TSPAN19: variants seen among roughly 807,000 people sequenced by gnomAD.
TSPAN19 encodes tetraspanin 19.
Under a neutral mutation model 35.1 loss-of-function variants are expected in TSPAN19, and 44 were observed. The ratio of observed to expected loss-of-function variants is 1.25; its 90% CI spans 0.98 to 1.61. The LOEUF (loss-of-function observed/expected upper bound fraction) is 1.61. Ranked by LOEUF, TSPAN19 falls within the 40% of genes most tolerant of loss-of-function variation. The pLI is 0.00. For missense variants in TSPAN19, 290 were observed against 280.0 expected, an observed-to-expected ratio of 1.04 and a Z score of -0.26; for synonymous variants, 79 against 92.0, an observed-to-expected ratio of 0.86 and a Z score of 0.81.
intron 1 of TSPAN19, among the ~76,000 whole-genome samples, chr12:85,032,720 A>G (rs774064478): frequency 1.3e-5 from 2 of 152,126 alleles, no homozygotes; most frequent in Non-Finnish European, 2.9e-5. Flanking sequence ...ACGTGCCAAC[A>G]CAAAGATACA....
chr12:85,030,663 A>G (rs1877642441), intron 1 of TSPAN19, among the ~76,000 whole-genome samples: 1 of 152,136 alleles, frequency 6.6e-6, no homozygotes, highest in Admixed American at 6.6e-5. Context: ...GAATTAAATT[A>G]CTTAATCTAT....
chr12:85,026,744 T>C (rs1348307307), intron 4 of TSPAN19, among the ~76,000 whole-genome samples: 2 of 152,042 alleles, frequency 1.3e-5, no homozygotes, highest in African/African-American at 2.4e-5. Flanking sequence ...TTCACTGATA[T>C]GCCTGTATGG....
In TSPAN19 at chr12:85,016,136, C is replaced by T. The variant is rs552645668; in HGVS notation, c.595-165G>A. 64 of 483,036 alleles carry T rather than the reference C, an allele frequency of 1.3e-4. 2 individuals are homozygous for T. The South Asian group carries it at 1.9e-3, about 14-fold the overall frequency. 29.9% of individuals were successfully genotyped at this position (483,036 alleles called of 1,614,324 possible). On this transcript the variant is annotated intron_variant, in intron 7 of 8. Transcript: ENST00000532498. Reference sequence around the variant, plus strand: ...GACTTTTAGTCCAGAAAGCTTTCTACGGCAGCAGGACACCTCAGTTGCTAA... The same window carrying T: ...GACTTTTAGTCCAGAAAGCTTTCTATGGCAGCAGGACACCTCAGTTGCTAA...
Position 85,024,312 on chromosome 12 carries a change from C to CA in TSPAN19, c.265-913dup, listed in dbSNP as rs1353373132. Among the ~76,000 whole-genome samples the CA allele has an allele frequency of 1.3e-4, 20 of 152,314 alleles. 2 individuals are homozygous for CA. Among genetic ancestry groups the CA allele is most frequent in the African/African-American group, 4.8e-4 (20 of 41,578 alleles). On this transcript the variant is annotated intron_variant, in intron 4 of 8. Coordinates refer to ENST00000532498, the MANE Select transcript of TSPAN19 (RefSeq NM_001100917.2). ...TATAAAAGCAGGAGATGACTGAAGA[C>CA]AGTCTCTAGCTGGGAGTTTTCAGAA...
At chr12:85,015,542 A>G (rs1876743513) in intron 8 of TSPAN19, 1 of 76,206 alleles carries the variant, frequency 1.3e-5, no homozygotes, top group Non-Finnish European at 2.3e-5. Context: ...ATGAACATAT[A>G]CACACACACA....
chr12:85,025,778 G>A (rs1370975202), intron 4 of TSPAN19, among the ~76,000 whole-genome samples: 1 of 145,094 alleles, frequency 6.9e-6, no homozygotes, highest in African/African-American at 2.6e-5. Context: ...GCCTGCCTTG[G>A]CCTCCCAAAG....
intron 4 of TSPAN19, chr12:85,024,572 G>A (rs1801183766): frequency 6.6e-6 from 1 of 152,216 alleles, no homozygotes; most frequent in Admixed American, 6.6e-5. Context: ...TAGATCAGGA[G>A]TTCAAGACCA....
intron 6 of TSPAN19, among the ~76,000 whole-genome samples, chr12:85,018,925 A>AT (rs974923779): frequency 7.2e-5 from 11 of 151,920 alleles, no homozygotes; most frequent in Admixed American, 2.0e-4. Context: ...AATGTTTGGT[A>AT]TTTTTTTAAT....
rs1477779013 is a variant in TSPAN19, at chr12:85,014,486, G to C, written c.*1C>G. On this transcript the variant is annotated 3_prime_UTR_variant, in exon 9 of 9. Transcript: ENST00000532498. ...CTTCTGAACAAATTGAAATCCAAAG[G>C]TCACATTTCTGCATGGATTATATTC... 1 of 1,590,618 alleles carries C rather than the reference G, an allele frequency of 6.3e-7. No homozygotes were observed. The highest frequency in any genetic ancestry group is 1.7e-5 in the Admixed American group (1 of 57,476).
rs540983488 is a variant in TSPAN19, at chr12:85,027,860, C to T, written c.264+39G>A. On this transcript the variant is annotated intron_variant, in intron 4 of 8. Transcript: ENST00000532498. ...TTGTGTAACTTAGATACTTAAAAATCTAAGACAAAAATTCAAACTATTGAC... is the reference window on the plus strand; with the variant it reads ...TTGTGTAACTTAGATACTTAAAAATTTAAGACAAAAATTCAAACTATTGAC... 4 of 1,531,180 alleles carry T rather than the reference C, an allele frequency of 2.6e-6. No individual in the cohort carries two copies. The East Asian group carries it at 9.8e-5, about 38-fold the overall frequency. The allele number at this position is 1,531,180 out of a possible 1,614,324, so 94.8% of individuals were successfully genotyped here. A position where few individuals can be genotyped will look rare whatever the true frequency, so the allele number is the denominator to read the frequency against.
intron 8 of TSPAN19, 147 bp downstream of exon 8, chr12:85,015,741 T>G (rs1243071353): frequency 1.8e-6 from 1 of 552,640 alleles, no homozygotes. Flanking sequence ...AGGAATCACC[T>G]GTACAACTCT....
At chr12:85,028,937 ATAGGCTT>A (rs774419075) in intron 3 of TSPAN19, among the ~76,000 whole-genome samples, 70 of 152,306 alleles carry the variant, frequency 4.6e-4, no homozygotes, top group Non-Finnish European at 8.7e-4. Context: ...ACATCTGAGC[ATAGGCTT>A]TATTGGTCAT....
chr12:85,027,651 T>C (rs1277524371), intron 4 of TSPAN19, among the ~76,000 whole-genome samples: 3 of 152,148 alleles, frequency 2.0e-5, no homozygotes, highest in Admixed American at 6.5e-5. Context: ...GAGAGTCCTA[T>C]TGACTCTGTG....
At chr12:85,028,994 C>T (rs1877556368) in intron 3 of TSPAN19, among the ~76,000 whole-genome samples, 1 of 152,152 alleles carries the variant, frequency 6.6e-6, no homozygotes, top group African/African-American at 2.4e-5. Flanking sequence ...ATTTCTGAGA[C>T]ATCCAGCAGC....
chr12:85,017,295 T>C (rs919295738), intron 7 of TSPAN19, 161 bp downstream of exon 7: 3 of 621,058 alleles, frequency 4.8e-6, no homozygotes, highest in African/African-American at 3.8e-5. Context: ...GACACTACAA[T>C]TTACCTAATT....
At chr12:85,026,829 G>A (rs1380796409) in intron 4 of TSPAN19, among the ~76,000 whole-genome samples, 1 of 152,072 alleles carries the variant, frequency 6.6e-6, no homozygotes, top group African/African-American at 2.4e-5. Flanking sequence ...TAGACCTGAA[G>A]GGACCATGTG....
intron 7 of TSPAN19, chr12:85,016,221 A>T: frequency 3.0e-6 from 1 of 337,896 alleles, no homozygotes; most frequent in Non-Finnish European, 5.3e-6. Context: ...ACACTTTAGA[A>T]AGAGATTTTC....
chr12:85,027,196 C>T (rs924978120), intron 4 of TSPAN19, among the ~76,000 whole-genome samples: 1 of 152,056 alleles, frequency 6.6e-6, no homozygotes, highest in South Asian at 2.1e-4. Context: ...CTGCCTCTTT[C>T]AGTAATTATA....
At chr12:85,022,208 C>G (rs904472477) in intron 5 of TSPAN19, among the ~76,000 whole-genome samples, 2 of 151,876 alleles carry the variant, frequency 1.3e-5, no homozygotes, top group African/African-American at 4.8e-5. Flanking sequence ...TTAAAACTCA[C>G]ACACACACAA....
Sources: gnomAD v4.1 joint callset for allele counts (sites outside exome capture counted in the v4.1 genomes callset) on GRCh38, gnomAD v4.1.1 for gene constraint, MANE v1.5 for transcripts, NCBI Gene and HGNC (gene_info 2026-07-23, HGNC 2026-07-21) for gene names.